Variants in N4BP2L2 observed in about 807,000 individuals in gnomAD.
N4BP2L2 encodes NEDD4-binding protein 2-like 2.
N4BP2L2 carries 50 observed loss-of-function variants against 56.2 expected under a neutral mutation model. The observed-to-expected ratio is 0.89, with a 90% confidence interval of 0.71 to 1.13. The LOEUF (loss-of-function observed/expected upper bound fraction) is 1.13, where lower values mean the gene tolerates loss of function less well. N4BP2L2 is among the 50% of genes most tolerant of loss of function. The pLI, the probability that N4BP2L2 is intolerant of heterozygous loss-of-function variation, is 0.00. For missense variants in N4BP2L2, 689 were observed against 693.8 expected (o/e 0.99, Z 0.08); for synonymous variants, 203 against 223.6 (o/e 0.91, Z 0.82).
At chr13:32,474,527 TAAA>T (rs34753353) in intron 6 of N4BP2L2, among the ~76,000 whole-genome samples, 2 of 136,128 alleles carry the variant, frequency 1.5e-5, no homozygotes, top group Non-Finnish European at 1.6e-5. Flanking sequence ...CTGTCTCTAC[TAAA>T]AAAAAAAAAA....
intron 6 of N4BP2L2, among the ~76,000 whole-genome samples, chr13:32,493,658 A>G (rs2087748774): frequency 6.6e-6 from 1 of 152,184 alleles, no homozygotes; most frequent in Admixed American, 6.5e-5. Flanking sequence ...AAATCAAGAG[A>G]CTAAAACAGT....
intron 3 of N4BP2L2, chr13:32,524,715 T>C (rs2052146866): frequency 6.6e-6 from 1 of 152,208 alleles, no homozygotes; most frequent in African/African-American, 2.4e-5. Context: ...ATAATTAACA[T>C]AATTCAAATG....
intron 6 of N4BP2L2, among the ~76,000 whole-genome samples, chr13:32,491,090 G>A (rs959669718): frequency 6.6e-6 from 1 of 151,808 alleles, no homozygotes; most frequent in Non-Finnish European, 1.5e-5. Context: ...CTCTCAACCT[G>A]AAAAGAAAAA....
chr13:32,482,244 T>G (rs927156108), intron 6 of N4BP2L2, among the ~76,000 whole-genome samples: 1 of 152,246 alleles, frequency 6.6e-6, no homozygotes, highest in Non-Finnish European at 1.5e-5. Context: ...GTTTAGTTGT[T>G]TTATCAGGTT....
intron 6 of N4BP2L2, among the ~76,000 whole-genome samples, chr13:32,501,236 G>C (rs2089946441): frequency 6.6e-6 from 1 of 152,034 alleles, no homozygotes. Flanking sequence ...TTCTGAATGA[G>C]TCATTTCACA....
intron 6 of N4BP2L2, among the ~76,000 whole-genome samples, chr13:32,488,817 A>G (rs2086452441): frequency 6.6e-6 from 1 of 152,238 alleles, no homozygotes; most frequent in Non-Finnish European, 1.5e-5. Flanking sequence ...AAATTAGGCA[A>G]AAAAAGAAAA....
At chr13:32,466,755 T>G (rs1555251774) in intron 6 of N4BP2L2, among the ~76,000 whole-genome samples, 1 of 150,712 alleles carries the variant, frequency 6.6e-6, no homozygotes, top group Non-Finnish European at 1.5e-5. Context: ...TAGTTATATA[T>G]AATCTTCTAT....
At chr13:32,524,794 GC>G (rs2052185838) in intron 3 of N4BP2L2, 3 of 151,806 alleles carry the variant, frequency 2.0e-5, no homozygotes, top group African/African-American at 7.3e-5. Context: ...ACAGAATCTT[GC>G]CCTGTCACCC....
Position 32,521,422 on chromosome 13 carries a change from ACT to A in N4BP2L2, c.1499_1500del (p.Glu500ValfsTer3). The A allele has an allele frequency of 6.2e-7, 1 of 1,612,718 alleles. No individual in the cohort carries two copies. ...TTCCACCAAGTTTCAGGTTCATGAAACTCTACTCTGTATCCTTTTCCTATGGC... is the reference window on the plus strand; with the variant it reads ...TTCCACCAAGTTTCAGGTTCATGAAACTACTCTGTATCCTTTTCCTATGGC... On this transcript the variant is annotated frameshift_variant, in exon 5 of 6. Transcript: ENST00000267068. LOFTEE classifies it high-confidence loss of function.
exon 6 of N4BP2L2, chr13:32,515,121 CAG>C (rs2048919675): frequency 1.4e-5 from 2 of 143,324 alleles, no homozygotes; most frequent in Admixed American, 1.4e-4. Flanking sequence ...TTGGGTGATC[CAG>C]AGAAAGACTC....
At position 32,435,815 on chromosome 13, in the gene N4BP2L2, G is replaced by A. The variant is rs564246232; in HGVS notation, c.*21+546C>T. Among the ~76,000 whole-genome samples the A allele has an allele frequency of 2.0e-3, 305 of 152,264 alleles. 2 individuals are homozygous for A. The highest frequency in any genetic ancestry group is 7.1e-3 in the African/African-American group (297 of 41,558). ...TAAAATGAAAAAACGTATGGTAAAT[G>A]CATAGTGCATTCAATTCTTATCAAA... On this transcript the variant is annotated intron_variant, in intron 9 of 9. Transcript: ENST00000357505.
chr13:32,455,038 C>T (rs1182667147), intron 6 of N4BP2L2, among the ~76,000 whole-genome samples: 2 of 152,190 alleles, frequency 1.3e-5, no homozygotes, highest in African/African-American at 4.8e-5. Context: ...TGGAGATGAC[C>T]TGATAGCACT....
intron 6 of N4BP2L2, among the ~76,000 whole-genome samples, chr13:32,447,335 G>A (rs2077190217): frequency 6.6e-6 from 1 of 151,924 alleles, no homozygotes; most frequent in African/African-American, 2.4e-5. Flanking sequence ...TATGAGCAAT[G>A]GGAAAGCCAG....
intron 1 of N4BP2L2, among the ~76,000 whole-genome samples, chr13:32,538,411 C>A (rs919334436): frequency 6.6e-6 from 1 of 152,148 alleles, no homozygotes; most frequent in Admixed American, 6.5e-5. Context: ...GAGTGAGCGA[C>A]CCGGGCAAAA....
exon 6 of N4BP2L2, chr13:32,516,808 T>A (rs746739292): frequency 8.0e-5 from 57 of 716,736 alleles, no homozygotes; most frequent in Non-Finnish European, 9.4e-5. Context: ...TTTCCTCATG[T>A]TGCAAAGAGA....
At chr13:32,534,800 ATTTTCT>A (rs2056087146) in intron 2 of N4BP2L2, among the ~76,000 whole-genome samples, 1 of 152,146 alleles carries the variant, frequency 6.6e-6, no homozygotes, top group African/African-American at 2.4e-5. Flanking sequence ...ATATCAACAA[ATTTTCT>A]TTTTCTCCTT....
At chr13:32,482,138 C>T (rs2139162008) in intron 6 of N4BP2L2, among the ~76,000 whole-genome samples, 1 of 152,194 alleles carries the variant, frequency 6.6e-6, no homozygotes, top group South Asian at 2.1e-4. Flanking sequence ...AAAAGACATA[C>T]AAAACTTAAG....
At chr13:32,507,995 G>A (rs2091221570), downstream of N4BP2L2, 1 of 152,064 alleles carries the variant, frequency 6.6e-6, no homozygotes, top group African/African-American at 2.4e-5. Context: ...AAGAGGAGAA[G>A]GCAGCAAAGG....
chr13:32,453,128 G>A (rs2078375415), intron 6 of N4BP2L2, among the ~76,000 whole-genome samples: 1 of 151,986 alleles, frequency 6.6e-6, no homozygotes, highest in Non-Finnish European at 1.5e-5. Flanking sequence ...GCATGGTGGT[G>A]GGCGCCTGTA....
Sources: gnomAD v4.1 joint callset for allele counts (sites outside exome capture counted in the v4.1 genomes callset) on GRCh38, gnomAD v4.1.1 for gene constraint, MANE v1.5 for transcripts, NCBI Gene and HGNC (gene_info 2026-07-23, HGNC 2026-07-21) for gene names.